WNK3: variants seen among roughly 807,000 people sequenced by gnomAD.
WNK3 encodes serine/threonine-protein kinase WNK3.
WNK3 carries 18 observed loss-of-function variants against 116.7 expected under a neutral mutation model. That is an observed-to-expected ratio of 0.15 (90% CI 0.11 to 0.23). WNK3 has a LOEUF of 0.23. Among genes scored for constraint, WNK3 ranks in the 10% least tolerant of loss-of-function variants. The pLI is 1.00. For synonymous variants in WNK3, 404 were observed against 469.4 expected, an observed-to-expected ratio of 0.86 and a Z score of 1.80; for missense variants, 993 against 1,323.8, an observed-to-expected ratio of 0.75 and a Z score of 3.88.
At chrX:54,307,788 G>C in intron 5 of WNK3, 134 bp downstream of exon 5, 1 of 492,928 alleles carries the variant, frequency 2.0e-6, no homozygotes, top group Non-Finnish European at 3.3e-6. Flanking sequence ...TCTAAGGCTT[G>C]TTGCATTACA....
chrX:54,309,510 T>C (rs1557169295), intron 3 of WNK3, among the ~76,000 whole-genome samples, 195 bp from the exon 4 acceptor site: 1 of 111,558 alleles, frequency 9.0e-6, no homozygotes, highest in Non-Finnish European at 1.9e-5. Flanking sequence ...CTACCAAGCA[T>C]AGCTGTTTTG....
intron 1 of WNK3, among the ~76,000 whole-genome samples, chrX:54,334,115 A>G (rs1487955705): frequency 3.6e-5 from 4 of 111,401 alleles, no homozygotes; most frequent in African/African-American, 1.3e-4. Flanking sequence ...CTTAGCCACA[A>G]TGTGACAAAC....
chrX:54,241,679 C>T (rs1161383264), intron 17 of WNK3, among the ~76,000 whole-genome samples: 2 of 111,593 alleles, frequency 1.8e-5, no homozygotes, highest in Admixed American at 9.6e-5. Flanking sequence ...AAGAGCTGCG[C>T]GCAGTGGCTC....
intron 13 of WNK3, among the ~76,000 whole-genome samples, chrX:54,252,561 T>C (rs782362732): frequency 1.8e-5 from 2 of 108,804 alleles, no homozygotes; most frequent in South Asian, 4.1e-4. Context: ...TCCCAGCTAC[T>C]TGGGAGGCTG....
chrX:54,297,231 A>G (rs782633815), intron 7 of WNK3, among the ~76,000 whole-genome samples: 1 of 111,476 alleles, frequency 9.0e-6, no homozygotes, highest in East Asian at 2.8e-4. Context: ...ACAAAACAAT[A>G]TATTATGCAG....
chrX:54,241,901 C>T (rs1366268044), intron 17 of WNK3, among the ~76,000 whole-genome samples: 1 of 107,147 alleles, frequency 9.3e-6, no homozygotes, highest in African/African-American at 3.4e-5. Context: ...TTGCAGTGAG[C>T]TGAAATCATC....
chrX:54,218,570 TAAAAAA>T (rs782541452), intron 22 of WNK3, among the ~76,000 whole-genome samples: 4 of 77,870 alleles, frequency 5.1e-5, no homozygotes, highest in Non-Finnish European at 1.0e-4. Context: ...AAAAAAGAAT[TAAAAAA>T]AAAAAAAAAA....
chrX:54,275,748 T>C (rs971588780), intron 10 of WNK3, among the ~76,000 whole-genome samples: 1 of 110,391 alleles, frequency 9.1e-6, no homozygotes, highest in African/African-American at 3.3e-5. Flanking sequence ...TTAAGAGACA[T>C]TGACAGAAGG....
rs199655322 is a variant in WNK3, at chrX:54,292,926, C to T, written c.1999G>A (p.Val667Ile). The T allele has an allele frequency of 3.8e-5, 46 of 1,208,470 alleles. No homozygotes were observed. The highest frequency in any genetic ancestry group is 5.1e-5 in the Non-Finnish European group (46 of 894,895). ...ACCTTCTGAACAGTTAATGGGGAAA[C>T]CTGGGGTTGTGAAACAACTGTCGGT... The change falls in exon 10 of 24, where the codon GTT becomes ATT. Residue 667 changes from valine to isoleucine, a missense_variant. Transcript: ENST00000354646.
At position 54,245,093 on chromosome X, in the gene WNK3, A is replaced by G. The variant is rs146674097; in HGVS notation, c.3651+3604T>C. The stretch of plus-strand genomic sequence containing the variant: ...AGTCTCCCCTGGAAGATATCCACTA[A>G]TATCAATTTATCTTTTCAGAACTTT... On this transcript the variant is annotated intron_variant, in intron 17 of 23. Coordinates refer to ENST00000354646, the Ensembl canonical transcript of WNK3. 7.2e-3 allele frequency among the ~76,000 whole-genome samples: 788 copies of G among 110,178 alleles called. 10 individuals carry two copies. Among genetic ancestry groups the G allele is most frequent in the African/African-American group, 0.025 (752 of 30,227 alleles).
intron 10 of WNK3, among the ~76,000 whole-genome samples, chrX:54,277,347 T>C (rs75096476): frequency 9.1e-6 from 1 of 109,988 alleles, no homozygotes; most frequent in Non-Finnish European, 1.9e-5. Flanking sequence ...TTTTTTTCTT[T>C]TTTTTTTTTG....
intron 20 of WNK3, among the ~76,000 whole-genome samples, chrX:54,236,144 G>A: frequency 9.0e-6 from 1 of 110,975 alleles, no homozygotes; most frequent in East Asian, 2.8e-4. Context: ...GTCTTGCTCT[G>A]TTACCCAGGC....
At chrX:54,275,697 T>C (rs1203020496) in intron 10 of WNK3, among the ~76,000 whole-genome samples, 1 of 110,119 alleles carries the variant, frequency 9.1e-6, no homozygotes, top group Non-Finnish European at 1.9e-5. Flanking sequence ...TCCTAGCATA[T>C]CAAAAATTAC....
At chrX:54,238,309 C>T (rs1569536284) in intron 19 of WNK3, 33 bp downstream of exon 19, 1 of 1,192,006 alleles carries the variant, frequency 8.4e-7, no homozygotes, top group Admixed American at 2.3e-5. Context: ...TTATAATGCC[C>T]TTGTAGATAA....
chrX:54,336,271 G>C (rs782201859), intron 1 of WNK3, among the ~76,000 whole-genome samples: 2 of 110,776 alleles, frequency 1.8e-5, no homozygotes, highest in Admixed American at 1.9e-4. Context: ...AGTGAGCTGA[G>C]ATCTCACCAC....
At chrX:54,258,530 C>T (rs1603383743) in intron 11 of WNK3, among the ~76,000 whole-genome samples, 2 of 108,212 alleles carry the variant, frequency 1.8e-5, no homozygotes, top group East Asian at 5.9e-4. Flanking sequence ...GGCAGGGTTT[C>T]ACCATGTTTG....
At chrX:54,214,779 G>A (rs1259345080) in intron 22 of WNK3, among the ~76,000 whole-genome samples, 2 of 111,445 alleles carry the variant, frequency 1.8e-5, no homozygotes, top group Non-Finnish European at 3.8e-5. Flanking sequence ...TTGGGAGGCT[G>A]AGGTGGGCGG....
intron 22 of WNK3, among the ~76,000 whole-genome samples, chrX:54,207,647 G>A (rs1055911107): frequency 9.3e-6 from 1 of 107,646 alleles, no homozygotes; most frequent in Admixed American, 1.0e-4. Flanking sequence ...CCGAGTAGCT[G>A]GGATTACAGG....
exon 9 of WNK3, chrX:54,293,149 G>A: frequency 8.3e-7 from 1 of 1,206,275 alleles, no homozygotes; most frequent in Non-Finnish European, 1.1e-6. Flanking sequence ...AAACTTGCTG[G>A]TAATGTCCTA....
Sources: gnomAD v4.1 joint callset for allele counts (sites outside exome capture counted in the v4.1 genomes callset) on GRCh38, gnomAD v4.1.1 for gene constraint, MANE v1.5 for transcripts, NCBI Gene and HGNC (gene_info 2026-07-23, HGNC 2026-07-21) for gene names.